Variants in FADS6 observed in about 807,000 individuals in gnomAD.
The protein encoded by FADS6 is fatty acid desaturase 6.
Under a neutral mutation model 31.7 loss-of-function variants are expected in FADS6, and 28 were observed. That is an observed-to-expected ratio of 0.88 (90% CI 0.66 to 1.21). The LOEUF is 1.21. FADS6 is among the 50% of genes most tolerant of loss of function. FADS6 has a pLI of 0.00. For missense variants in FADS6, 494 were observed against 504.2 expected (o/e 0.98, Z 0.19); for synonymous variants, 191 against 213.1 (o/e 0.90, Z 0.90).
chr17:74,882,459 C>T (rs2038580470), intron 3 of FADS6, 71 bp downstream of exon 3: 1 of 1,489,206 alleles, frequency 6.7e-7, no homozygotes, highest in Non-Finnish European at 9.0e-7. Context: ...TCCATGAAGC[C>T]ACGCAGGGGA....
At chr17:74,893,118 C>CCATCA (rs1555625691) in intron 1 of FADS6, among the ~76,000 whole-genome samples, 2 of 148,820 alleles carry the variant, frequency 1.3e-5, no homozygotes, top group African/African-American at 5.2e-5. Context: ...CACCCTCCTG[C>CCATCA]GCCCCCTCCT....
chr17:74,892,516 G>A lies in FADS6; in HGVS notation c.411+7C>T, dbSNP rs371849913. 1.2e-5 allele frequency: 19 copies of A among 1,610,518 alleles called. 1 individual carries two copies. Among genetic ancestry groups the A allele is most frequent in the Middle Eastern group, 1.7e-4 (1 of 6,050 alleles). On this transcript the variant is annotated splice_region_variant and intron_variant, in intron 2 of 5. Transcript: ENST00000612771. ...AGCTGCCTGCATCCTCCTTCTCCCA[G>A]GCTCACCTCCACAAAGAAAAGCAGC... is the stretch of plus-strand genomic sequence containing the variant.
At chr17:74,877,078 C>G (rs2038513074), downstream of FADS6, among the ~76,000 whole-genome samples, 1 of 152,122 alleles carries the variant, frequency 6.6e-6, no homozygotes, top group Non-Finnish European at 1.5e-5. Flanking sequence ...CCTTCCACAG[C>G]CCTGCCCAGC....
intron 2 of FADS6, among the ~76,000 whole-genome samples, chr17:74,884,148 T>C (rs1010906400): frequency 1.3e-5 from 2 of 152,104 alleles, no homozygotes; most frequent in Non-Finnish European, 2.9e-5. Context: ...CCCATCAGGA[T>C]AAGGTGCTCT....
intron 2 of FADS6, among the ~76,000 whole-genome samples, chr17:74,889,870 C>CAAAAAAAAAAA (rs59381032): frequency 1.9e-4 from 10 of 53,512 alleles, no homozygotes; most frequent in Admixed American, 2.9e-4. Context: ...GACTCAGTCT[C>CAAAAAAAAAAA]AAAAAAAAAA....
chr17:74,878,746 T>C (rs2038534373), intron 5 of FADS6, among the ~76,000 whole-genome samples: 1 of 152,196 alleles, frequency 6.6e-6, no homozygotes, highest in South Asian at 2.1e-4. Flanking sequence ...AGCTCCCTTT[T>C]ACCAAGCACC....
In FADS6 at chr17:74,882,487, G is replaced by A. The variant is rs758042603; in HGVS notation, c.592+43C>T. The A allele has an allele frequency of 5.8e-6, 9 of 1,559,248 alleles. No homozygotes were observed. The African/African-American group carries it at 6.8e-5, about 12-fold the overall frequency. On this transcript the variant is annotated intron_variant, in intron 3 of 5. Transcript: ENST00000612771. The stretch of plus-strand genomic sequence containing the variant: ...GCAGGGGAGGAGAGCAGGGGAACTA[G>A]GTCCATGCAGGACACTGCGGACCGG...
chr17:74,876,799 TA>T (rs907361236), downstream of FADS6, among the ~76,000 whole-genome samples: 25 of 146,942 alleles, frequency 1.7e-4, no homozygotes, highest in African/African-American at 3.2e-4. Flanking sequence ...TCCATCTCCA[TA>T]AAAAAAAAAG....
intron 2 of FADS6, among the ~76,000 whole-genome samples, chr17:74,890,222 T>C (rs1214779202): frequency 5.3e-5 from 8 of 152,130 alleles, no homozygotes; most frequent in Non-Finnish European, 1.2e-4. Context: ...CCTCCCAAAG[T>C]GCTGGGATTA....
intron 2 of FADS6, among the ~76,000 whole-genome samples, chr17:74,884,714 CT>C (rs782219266): frequency 6.9e-4 from 26 of 37,784 alleles, no homozygotes; most frequent in East Asian, 6.1e-3. Context: ...TGACCAGATC[CT>C]TTTTCTTTTT....
intron 2 of FADS6, among the ~76,000 whole-genome samples, chr17:74,891,936 G>A (rs1227968503): frequency 6.6e-6 from 1 of 152,194 alleles, no homozygotes; most frequent in African/African-American, 2.4e-5. Flanking sequence ...CAGAGGAACT[G>A]GGGAGGCCTG....
intron 2 of FADS6, among the ~76,000 whole-genome samples, chr17:74,885,367 A>T (rs138805844): frequency 5.8e-4 from 88 of 152,294 alleles, no homozygotes; most frequent in Non-Finnish European, 1.1e-3. Flanking sequence ...ACAAACATCA[A>T]AATCATATCA....
chr17:74,882,943 A>G, intron 2 of FADS6: 1 of 1,191,660 alleles, frequency 8.4e-7, no homozygotes. Flanking sequence ...TCTGCAAAGC[A>G]TTTGGGGGTG....
At position 74,888,126 on chromosome 17, in the gene FADS6, CCACACACACACACACACA is replaced by C. The variant is rs1165268903; in HGVS notation, c.411+4379_411+4396del. Among the ~76,000 whole-genome samples the C allele has an allele frequency of 1.6e-4, 21 of 128,064 alleles. No individual in the cohort carries two copies. The East Asian group carries it at 3.5e-3, about 21-fold the overall frequency. The allele number at this position is 128,064 out of a possible 152,430, so 84.0% of individuals were successfully genotyped here. A position where few individuals can be genotyped will look rare whatever the true frequency, so the allele number is the denominator to read the frequency against. The stretch of plus-strand genomic sequence containing the variant: ...GCATGGTGTAGGTGGAGCTGAGACA[CCACACACACACACACACA>C]CACACACACACGCGCGCGCGCGCGC... On this transcript the variant is annotated intron_variant, in intron 2 of 5. Coordinates refer to ENST00000612771, the MANE Select transcript of FADS6 (RefSeq NM_178128.6).
chr17:74,882,760 G>A (rs778624059), intron 2 of FADS6, 50 bp from the exon 3 acceptor site: 24 of 1,570,230 alleles, frequency 1.5e-5, no homozygotes, highest in Non-Finnish European at 2.0e-5. Context: ...AGGCACAGTT[G>A]AGCAATGCAG....
At chr17:74,880,951 G>A in intron 4 of FADS6, 117 bp downstream of exon 4, 1 of 1,066,908 alleles carries the variant, frequency 9.4e-7, no homozygotes, top group Non-Finnish European at 1.3e-6. Context: ...GCGAGAGGGA[G>A]GATGCCTCAT....
chr17:74,887,314 G>T (rs1461076659), intron 2 of FADS6, among the ~76,000 whole-genome samples: 2 of 152,126 alleles, frequency 1.3e-5, no homozygotes, highest in Non-Finnish European at 2.9e-5. Context: ...CAAACTCCTG[G>T]GCTCAAGCGA....
At chr17:74,875,665 C>T (rs920686867), downstream of FADS6, among the ~76,000 whole-genome samples, 2 of 152,242 alleles carry the variant, frequency 1.3e-5, no homozygotes, top group African/African-American at 4.8e-5. Context: ...GCCTTTTCTG[C>T]CACTGCGTTT....
intron 2 of FADS6, among the ~76,000 whole-genome samples, chr17:74,888,695 C>T (rs540558977): frequency 2.6e-3 from 398 of 152,298 alleles, no homozygotes; most frequent in African/African-American, 9.1e-3. Context: ...GGATTTGAAG[C>T]GGAGACACCA....
Sources: allele counts gnomAD v4.1 joint callset (sites outside exome capture counted in the v4.1 genomes callset), GRCh38; gene constraint gnomAD v4.1.1; transcripts MANE v1.5; gene names NCBI Gene and HGNC (gene_info 2026-07-23, HGNC 2026-07-21).